Variants in FAM222B observed in about 807,000 individuals in gnomAD.
The protein encoded by FAM222B is protein FAM222B.
Under a neutral mutation model 38.0 loss-of-function variants are expected in FAM222B, and 12 were observed. That is an observed-to-expected ratio of 0.32 (90% confidence interval 0.20 to 0.51). The LOEUF is 0.51. Ranked by LOEUF, FAM222B falls within the 20% of genes least tolerant of loss-of-function variation. The pLI, the probability that FAM222B is intolerant of heterozygous loss-of-function variation, is 0.97. For synonymous variants in FAM222B, 329 were observed against 317.2 expected (o/e 1.04, Z -0.40); for missense variants, 716 against 754.2 (o/e 0.95, Z 0.59).
chr17:28,819,432 G>C (rs2038138752), intron 1 of FAM222B, among the ~76,000 whole-genome samples: 1 of 152,170 alleles, frequency 6.6e-6, no homozygotes, highest in Non-Finnish European at 1.5e-5. Flanking sequence ...TTGTTAGGTA[G>C]TGGTGGAAAG....
At chr17:28,781,807 C>T (rs2036178884) in intron 1 of FAM222B, among the ~76,000 whole-genome samples, 1 of 152,076 alleles carries the variant, frequency 6.6e-6, no homozygotes. Context: ...CATAATTTCA[C>T]TAGTATGTGG....
intron 1 of FAM222B, among the ~76,000 whole-genome samples, chr17:28,798,607 T>C (rs984126204): frequency 1.3e-5 from 2 of 151,632 alleles, no homozygotes; most frequent in Admixed American, 6.6e-5. Context: ...TGTTTTCTCA[T>C]GTGAAGTTTA....
At chr17:28,834,663 T>C (rs1396244196) in intron 1 of FAM222B, 1 of 152,126 alleles carries the variant, frequency 6.6e-6, no homozygotes, top group African/African-American at 2.4e-5. Flanking sequence ...CAGATCTCTA[T>C]TACAGCACTT....
At chr17:28,815,441 C>A (rs1598004664) in intron 1 of FAM222B, among the ~76,000 whole-genome samples, 1 of 152,068 alleles carries the variant, frequency 6.6e-6, no homozygotes, top group Admixed American at 6.5e-5. Context: ...ATCTCGATCT[C>A]TTGACCTCGT....
At chr17:28,762,563 G>A (rs1246996061) in intron 2 of FAM222B, among the ~76,000 whole-genome samples, 2 of 148,894 alleles carry the variant, frequency 1.3e-5, no homozygotes, top group Non-Finnish European at 3.0e-5. Flanking sequence ...GCAGGTGGAG[G>A]TTGCAGTGAG....
At chr17:28,823,733 G>A (rs1168999506) in intron 1 of FAM222B, among the ~76,000 whole-genome samples, 2 of 151,968 alleles carry the variant, frequency 1.3e-5, no homozygotes, top group Non-Finnish European at 2.9e-5. Context: ...ATGACCTCCT[G>A]ATTAAATACC....
chr17:28,847,923 A>G (rs140435932), intron 1 of FAM222B, among the ~76,000 whole-genome samples: 7 of 151,966 alleles, frequency 4.6e-5, no homozygotes, highest in East Asian at 1.9e-4. Flanking sequence ...CAAAAAAAAA[A>G]AAAAGAAAAG....
At chr17:28,852,883 T>A (rs1363506048) in intron 1 of FAM222B, among the ~76,000 whole-genome samples, 1 of 151,802 alleles carries the variant, frequency 6.6e-6, no homozygotes, top group African/African-American at 2.4e-5. Flanking sequence ...ATAGTGAGAC[T>A]CTGTCTCTGC....
intron 1 of FAM222B, chr17:28,854,904 C>A: frequency 1.0e-6 from 1 of 987,010 alleles, no homozygotes; most frequent in Non-Finnish European, 1.5e-6. Flanking sequence ...ATTCCTCCTC[C>A]CGCCCACATC....
intron 1 of FAM222B, among the ~76,000 whole-genome samples, chr17:28,800,256 C>T (rs1369697748): frequency 5.3e-5 from 8 of 152,050 alleles, no homozygotes; most frequent in Admixed American, 3.9e-4. Flanking sequence ...CTCGAACTCC[C>T]GACCTCAGGT....
intron 1 of FAM222B, among the ~76,000 whole-genome samples, chr17:28,773,440 T>C (rs200158567): frequency 1.4e-5 from 2 of 142,418 alleles, no homozygotes; most frequent in Non-Finnish European, 1.5e-5. Context: ...GATCACATCA[T>C]TGCACTCCAA....
Position 28,757,337 on chromosome 17 carries a change from A to G in FAM222B, c.*933T>C, listed in dbSNP as rs1432386455. The G allele has an allele frequency of 1.3e-5, 2 of 152,582 alleles. No homozygotes were observed. The highest frequency in any genetic ancestry group is 2.9e-5 in the Non-Finnish European group (2 of 68,048). The allele number at this position is 152,582 out of a possible 1,614,324, so 9.5% of individuals were successfully genotyped here. On this transcript the variant is annotated 3_prime_UTR_variant, in exon 3 of 3. Transcript: ENST00000581407. ...ACGTAACGTTTAAAACTTACAGTGT[A>G]GAGCAATATTCTTAGCCAGTGTAGA...
At chr17:28,813,492 C>T (rs952396096) in intron 1 of FAM222B, among the ~76,000 whole-genome samples, 1 of 151,710 alleles carries the variant, frequency 6.6e-6, no homozygotes, top group Non-Finnish European at 1.5e-5. Flanking sequence ...AGTAATGTGT[C>T]AATGTTACTT....
At chr17:28,804,964 T>C (rs1203541993) in intron 1 of FAM222B, among the ~76,000 whole-genome samples, 1 of 151,600 alleles carries the variant, frequency 6.6e-6, no homozygotes, top group Non-Finnish European at 1.5e-5. Context: ...GGGAATGGCG[T>C]GAACCCCATT....
At chr17:28,776,074 TC>T (rs2035881122) in intron 1 of FAM222B, among the ~76,000 whole-genome samples, 1 of 119,030 alleles carries the variant, frequency 8.4e-6, no homozygotes, top group Non-Finnish European at 1.7e-5. Flanking sequence ...AGACTTTGTC[TC>T]AAAAAAAAAA....
intron 1 of FAM222B, among the ~76,000 whole-genome samples, chr17:28,777,742 T>G (rs903417879): frequency 6.6e-6 from 1 of 152,034 alleles, no homozygotes; most frequent in Non-Finnish European, 1.5e-5. Flanking sequence ...GTAACTTTAC[T>G]AGGGGAGTGA....
intron 1 of FAM222B, among the ~76,000 whole-genome samples, chr17:28,769,880 T>G (rs1401815601): frequency 6.6e-6 from 1 of 152,192 alleles, no homozygotes; most frequent in African/African-American, 2.4e-5. Flanking sequence ...TTGCCCCAGA[T>G]GTCTACTTAT....
At chr17:28,774,849 A>T (rs1480948720) in intron 1 of FAM222B, among the ~76,000 whole-genome samples, 3 of 151,712 alleles carry the variant, frequency 2.0e-5, no homozygotes, top group Non-Finnish European at 4.4e-5. Context: ...GGCTGAGGCA[A>T]GAGAATCGCT....
chr17:28,831,569 C>T (rs1443044253), intron 1 of FAM222B, among the ~76,000 whole-genome samples: 1 of 137,306 alleles, frequency 7.3e-6, no homozygotes, highest in Non-Finnish European at 1.5e-5. Context: ...TGCAGTGTTG[C>T]GATCTTGGTT....
Sources: gnomAD v4.1 joint callset for allele counts (sites outside exome capture counted in the v4.1 genomes callset) on GRCh38, gnomAD v4.1.1 for gene constraint, MANE v1.5 for transcripts, NCBI Gene and HGNC (gene_info 2026-07-23, HGNC 2026-07-21) for gene names.